The following SLC39A14 variants were observed in gnomAD, a reference collection of about 807,000 sequenced individuals.
SLC39A14 encodes the protein solute carrier family 39 member 14, also known as metal cation symporter ZIP14.
A neutral mutation model predicts 45.5 loss-of-function variants in SLC39A14; 19 were observed. The ratio of observed to expected loss-of-function variants is 0.42; its 90% confidence interval spans 0.29 to 0.61. SLC39A14 has a LOEUF of 0.61. SLC39A14 is among the 20% of genes least tolerant of loss of function. SLC39A14 has a pLI of 0.22. For missense variants in SLC39A14, 447 were observed against 616.5 expected, an observed-to-expected ratio of 0.73 and a Z score of 2.91; for synonymous variants, 264 against 251.3, an observed-to-expected ratio of 1.05 and a Z score of -0.48.
At chr8:22,422,892 C>T (rs891312917), downstream of SLC39A14, among the ~76,000 whole-genome samples, 3 of 152,068 alleles carry the variant, frequency 2.0e-5, no homozygotes, top group African/African-American at 7.2e-5. Context: ...GGTGCGATCT[C>T]GGCTCACTGC....
chr8:22,399,214 T>C (rs11787182), intron 1 of SLC39A14, among the ~76,000 whole-genome samples: 35,719 of 152,224 alleles, frequency 0.23, 5,248 homozygotes, highest in East Asian at 0.46. Flanking sequence ...CTCCTGCAGC[T>C]GGGGCCATGC....
chr8:22,379,927 CAAA>C (rs35093772), intron 1 of SLC39A14, among the ~76,000 whole-genome samples: 3 of 87,954 alleles, frequency 3.4e-5, no homozygotes, highest in South Asian at 3.7e-4. Flanking sequence ...GACTCCATCT[CAAA>C]AAAAAAAAAA....
chr8:22,388,418 C>A (rs1246847451), intron 1 of SLC39A14, among the ~76,000 whole-genome samples: 1 of 151,690 alleles, frequency 6.6e-6, no homozygotes, highest in African/African-American at 2.4e-5. Context: ...CAGATGCAGC[C>A]CAGGGCAAGA....
At position 22,421,189 on chromosome 8, in the gene SLC39A14, C is replaced by G. The variant is rs1215264004; in HGVS notation, c.*1491C>G. 2 of 985,732 alleles carry G rather than the reference C, an allele frequency of 2.0e-6. No homozygotes were observed. The highest frequency in any genetic ancestry group is 2.4e-6 in the Non-Finnish European group (2 of 829,944). 61.1% of individuals were successfully genotyped at this position (985,732 alleles called of 1,614,324 possible). On this transcript the variant is annotated 3_prime_UTR_variant, in exon 9 of 9. Transcript: ENST00000381237. ...GGAGCCCAGGGGCCATGTTTGCAAA[C>G]TGATTCATGTGCATGGCTGACAGGA...
At chr8:22,417,550 C>T (rs1469625099) in intron 7 of SLC39A14, 101 bp from the exon 8 acceptor site, 4 of 1,004,190 alleles carry the variant, frequency 4.0e-6, no homozygotes, top group Non-Finnish European at 6.0e-6. Flanking sequence ...ACAGTCCTCC[C>T]AGCTGAGCCT....
intron 1 of SLC39A14, among the ~76,000 whole-genome samples, chr8:22,371,502 CG>C (rs1832935328): frequency 7.1e-6 from 1 of 140,664 alleles, no homozygotes; most frequent in Non-Finnish European, 1.5e-5. Flanking sequence ...GGTGCGATCT[CG>C]GCTCACTGCA....
At chr8:22,374,654 G>C (rs781178272) in intron 1 of SLC39A14, among the ~76,000 whole-genome samples, 2 of 151,930 alleles carry the variant, frequency 1.3e-5, no homozygotes, top group Non-Finnish European at 2.9e-5. Flanking sequence ...TCTAAGGTAC[G>C]AGTGTTCTCT....
chr8:22,407,826 T>G (rs1019555307), intron 2 of SLC39A14, among the ~76,000 whole-genome samples: 6 of 151,928 alleles, frequency 3.9e-5, no homozygotes, highest in Admixed American at 3.9e-4. Flanking sequence ...TCCCCCTGCC[T>G]CAGCCTCCTC....
At chr8:22,414,717 GA>G in intron 4 of SLC39A14, 62 bp from the exon 5 acceptor site, 1 of 1,534,102 alleles carries the variant, frequency 6.5e-7, no homozygotes, top group Non-Finnish European at 8.8e-7. Flanking sequence ...TAAGAGATAA[GA>G]GGGGGATCAG....
At chr8:22,410,151 C>G (rs777100844) in intron 3 of SLC39A14, 3 of 1,611,472 alleles carry the variant, frequency 1.9e-6, no homozygotes, top group Admixed American at 3.3e-5. Context: ...TCCTCTTTCC[C>G]TGGGGCGGCA....
chr8:22,407,424 G>A (rs578173724), intron 2 of SLC39A14, among the ~76,000 whole-genome samples: 6 of 152,014 alleles, frequency 3.9e-5, no homozygotes, highest in African/African-American at 1.2e-4. Flanking sequence ...GCAGTGGCGC[G>A]ATCTCGGCTC....
At chr8:22,395,108 C>G (rs749274118) in intron 1 of SLC39A14, among the ~76,000 whole-genome samples, 11 of 151,704 alleles carry the variant, frequency 7.3e-5, no homozygotes, top group Non-Finnish European at 1.3e-4. Context: ...CTCCCGGGTT[C>G]AAGCAATTCC....
chr8:22,394,729 G>A (rs542069488), intron 1 of SLC39A14, among the ~76,000 whole-genome samples: 1 of 152,190 alleles, frequency 6.6e-6, no homozygotes, highest in African/African-American at 2.4e-5. Context: ...TTAATTACAT[G>A]CATTTCATTG....
intron 1 of SLC39A14, among the ~76,000 whole-genome samples, chr8:22,385,525 G>A (rs150667757): frequency 2.6e-3 from 389 of 152,340 alleles, no homozygotes; most frequent in African/African-American, 5.5e-3. Flanking sequence ...ATTCTAGGCA[G>A]AGGGAATAGC....
downstream of SLC39A14, among the ~76,000 whole-genome samples, chr8:22,425,894 T>G (rs566755147): frequency 7.4e-6 from 1 of 135,804 alleles, no homozygotes; most frequent in Non-Finnish European, 1.6e-5. Context: ...TTTTTGTTTT[T>G]TTTTTGTTTT....
Position 22,404,782 on chromosome 8 carries a change from C to T in SLC39A14, c.72C>T (p.Thr24=). 1.2e-6 allele frequency: 2 copies of T among 1,613,400 alleles called. No homozygotes were observed. Among genetic ancestry groups the T allele is most frequent in the Non-Finnish European group, 1.7e-6 (2 of 1,179,458 alleles). Residue 24 remains threonine, a synonymous_variant, in exon 2 of 9, where the codon ACC becomes ACT. Transcript: ENST00000381237. Reference sequence around the variant, plus strand: ...TGACCCTGCTTGGCTTATGGAGAACCACCCCTGAGGCTCACGCTTCATCCC... The same window carrying T: ...TGACCCTGCTTGGCTTATGGAGAACTACCCCTGAGGCTCACGCTTCATCCC... ...LLLTLLGLWR[T]TPEAHASSLG...
chr8:22,421,547 C>G lies in SLC39A14; in HGVS notation c.*1849C>G. On this transcript the variant is annotated 3_prime_UTR_variant, in exon 9 of 9. Transcript: ENST00000381237. ...GAACCAATTCCTTGAATGTTGGAAT[C>G]TAACTTTTTATATTGTCATTATTAT... 1.0e-6 allele frequency: 1 copy of G among 985,490 alleles called. No individual in the cohort carries two copies. The highest frequency in any genetic ancestry group is 1.2e-6 in the Non-Finnish European group (1 of 829,598). The allele number at this position is 985,490 out of a possible 1,614,324, so 61.0% of individuals were successfully genotyped here. A position where few individuals can be genotyped will look rare whatever the true frequency, so the allele number is the denominator to read the frequency against.
At chr8:22,404,639 C>T (rs1277128275) in intron 1 of SLC39A14, 57 bp from the exon 2 acceptor site, 26 of 1,538,680 alleles carry the variant, frequency 1.7e-5, no homozygotes, top group Admixed American at 3.5e-5. Context: ...GCGGGCCTGG[C>T]GCAGTTGCCG....
At chr8:22,395,650 A>G (rs1834342703) in intron 1 of SLC39A14, among the ~76,000 whole-genome samples, 2 of 152,118 alleles carry the variant, frequency 1.3e-5, no homozygotes, top group African/African-American at 2.4e-5. Flanking sequence ...GTAAGCCTGC[A>G]TCCTCTTTTG....
Sources: gnomAD v4.1 joint callset for allele counts (sites outside exome capture counted in the v4.1 genomes callset) on GRCh38, gnomAD v4.1.1 for gene constraint, MANE v1.5 for transcripts, NCBI Gene and HGNC (gene_info 2026-07-23, HGNC 2026-07-21) for gene names.